Variants in SLC71A2 observed in about 807,000 individuals in gnomAD.
SLC71A2 encodes the protein solute carrier family 71 member 2, also known as hippocampus abundant transcript-like 1.
chr9:94,379,912 G>A, the SLC71A2 span, among the ~76,000 whole-genome samples: 4 of 152,046 alleles, frequency 2.6e-5, no homozygotes, highest in African/African-American at 9.7e-5. Context: ...CTTACTGTTA[G>A]GTATCCTTTT....
chr9:94,412,002 T>C, the SLC71A2 span, among the ~76,000 whole-genome samples: 3 of 152,254 alleles, frequency 2.0e-5, no homozygotes, highest in African/African-American at 7.2e-5. Context: ...TTTGTCTAGA[T>C]GTTGCTGAAT....
the SLC71A2 span, among the ~76,000 whole-genome samples, chr9:94,422,086 G>T: frequency 6.6e-6 from 1 of 152,136 alleles, no homozygotes; most frequent in Non-Finnish European, 1.5e-5. Flanking sequence ...GTTTCGCCAT[G>T]TTGGCCAGAC....
At chr9:94,387,693 A>G in the SLC71A2 span, among the ~76,000 whole-genome samples, 16 of 152,184 alleles carry the variant, frequency 1.1e-4, no homozygotes, top group Non-Finnish European at 1.5e-5. Context: ...TATGTTGCCT[A>G]TATAGGCAAT....
the SLC71A2 span, among the ~76,000 whole-genome samples, chr9:94,388,788 A>G: frequency 3.9e-5 from 6 of 152,142 alleles, no homozygotes; most frequent in African/African-American, 1.2e-4. Flanking sequence ...ATTTTCATTT[A>G]TACGTTTTCT....
the SLC71A2 span, among the ~76,000 whole-genome samples, chr9:94,401,433 A>G: frequency 1.3e-5 from 2 of 152,058 alleles, no homozygotes; most frequent in African/African-American, 4.8e-5. Context: ...GGGCCTCCCA[A>G]AGTCCTGGGA....
the SLC71A2 span, among the ~76,000 whole-genome samples, chr9:94,427,955 C>G: frequency 6.6e-6 from 1 of 151,572 alleles, no homozygotes; most frequent in East Asian, 1.9e-4. Flanking sequence ...AACTCCACCT[C>G]TACCAAAAAT....
At chr9:94,400,627 T>C in the SLC71A2 span, among the ~76,000 whole-genome samples, 1 of 151,360 alleles carries the variant, frequency 6.6e-6, no homozygotes, top group Non-Finnish European at 1.5e-5. Context: ...CCTTTCCCCA[T>C]ACCCCCTTTA....
chr9:94,398,826 C>T, the SLC71A2 span, among the ~76,000 whole-genome samples: 1 of 132,166 alleles, frequency 7.6e-6, no homozygotes, highest in Non-Finnish European at 1.6e-5. Flanking sequence ...TCGCGCCCTC[C>T]GAGATGGAGT....
chr9:94,459,104 T>A, the SLC71A2 span: 1 of 1,555,104 alleles, frequency 6.4e-7, no homozygotes, highest in Non-Finnish European at 8.7e-7. Context: ...TAGGAATAAT[T>A]TTGAGTTAAA....
At chr9:94,427,692 A>G in the SLC71A2 span, among the ~76,000 whole-genome samples, 448 of 144,030 alleles carry the variant, frequency 3.1e-3, 11 homozygotes, top group East Asian at 0.022. Context: ...CACTCACTCC[A>G]CCCTGTATTT....
the SLC71A2 span, among the ~76,000 whole-genome samples, chr9:94,452,390 C>T: frequency 1.2e-4 from 19 of 152,034 alleles, 1 homozygote; most frequent in African/African-American, 3.4e-4. Context: ...TGAGGTCAGG[C>T]GTTCCAGACC....
chr9:94,403,819 C>G, the SLC71A2 span, among the ~76,000 whole-genome samples: 3 of 152,114 alleles, frequency 2.0e-5, no homozygotes, highest in African/African-American at 7.2e-5. Flanking sequence ...TCTTCATGTC[C>G]TTGCCAGCAC....
At chr9:94,450,507 T>TTTTTTTTTTTTTTTTTC in the SLC71A2 span, among the ~76,000 whole-genome samples, 7 of 137,220 alleles carry the variant, frequency 5.1e-5, no homozygotes, top group African/African-American at 1.5e-4. Context: ...TTTTTTTTTT[T>TTTTTTTTTTTTTTTTTC]GAGATGGAGT....
the SLC71A2 span, among the ~76,000 whole-genome samples, chr9:94,450,687 C>T: frequency 6.6e-6 from 1 of 151,808 alleles, no homozygotes; most frequent in Admixed American, 6.6e-5. Flanking sequence ...GACGGGGTGT[C>T]GCCATGTTGG....
the SLC71A2 span, among the ~76,000 whole-genome samples, chr9:94,437,405 GTGAC>G: frequency 1.3e-5 from 2 of 150,064 alleles, no homozygotes; most frequent in Non-Finnish European, 3.0e-5. Context: ...AGCCAACAGA[GTGAC>G]TGGCAAATAG....
At chr9:94,378,937 G>A in the SLC71A2 span, among the ~76,000 whole-genome samples, 1 of 150,116 alleles carries the variant, frequency 6.7e-6, no homozygotes, top group East Asian at 2.0e-4. Flanking sequence ...TAGGTTTTCT[G>A]TTTGATTTTT....
At chr9:94,438,154 T>G in the SLC71A2 span, among the ~76,000 whole-genome samples, 1 of 152,146 alleles carries the variant, frequency 6.6e-6, no homozygotes, top group African/African-American at 2.4e-5. Flanking sequence ...GCCAGACTGG[T>G]CTTGAACTCC....
the SLC71A2 span, among the ~76,000 whole-genome samples, chr9:94,428,362 T>A: frequency 7.3e-6 from 1 of 137,690 alleles, no homozygotes; most frequent in Non-Finnish European, 1.5e-5. Context: ...TTGCTTTTCT[T>A]TTTCTTCAGT....
At chr9:94,417,360 G>A in the SLC71A2 span, among the ~76,000 whole-genome samples, 3 of 152,164 alleles carry the variant, frequency 2.0e-5, no homozygotes, top group Non-Finnish European at 4.4e-5. Context: ...GGGCGCGGAG[G>A]CTCACGCCTG....
Sources: allele counts gnomAD v4.1 joint callset (sites outside exome capture counted in the v4.1 genomes callset), GRCh38; gene constraint gnomAD v4.1.1; transcripts MANE v1.5; gene names NCBI Gene and HGNC (gene_info 2026-07-23, HGNC 2026-07-21).